FNDC1: variants seen among roughly 807,000 people sequenced by gnomAD.
FNDC1 encodes the protein fibronectin type III domain containing 1, also known as fibronectin type III domain-containing protein 1.
A neutral mutation model predicts 168.0 loss-of-function variants in FNDC1; 96 were observed. The ratio of observed to expected loss-of-function variants is 0.57; its 90% CI spans 0.48 to 0.68. FNDC1 has a LOEUF of 0.68. Among genes scored for constraint, FNDC1 ranks in the 30% least tolerant of loss-of-function variants. FNDC1 has a pLI of 0.00. For synonymous variants in FNDC1, 1,099 were observed against 1,025.9 expected, an observed-to-expected ratio of 1.07 and a Z score of -1.36; for missense variants, 2,587 against 2,482.1, an observed-to-expected ratio of 1.04 and a Z score of -0.90.
intron 1 of FNDC1, among the ~76,000 whole-genome samples, chr6:159,186,591 A>G (rs920550596): frequency 3.9e-5 from 6 of 152,260 alleles, no homozygotes; most frequent in African/African-American, 1.4e-4. Flanking sequence ...GCAAGCTGAC[A>G]TGCAGCTCCC....
At chr6:159,251,616 T>A in intron 17 of FNDC1, 84 bp downstream of exon 17, 2 of 1,188,658 alleles carry the variant, frequency 1.7e-6, no homozygotes, top group Non-Finnish European at 2.4e-6. Context: ...AGTGGATGGG[T>A]GCATGCATGG....
intron 1 of FNDC1, among the ~76,000 whole-genome samples, chr6:159,188,108 G>A (rs540939344): frequency 1.3e-5 from 2 of 152,328 alleles, no homozygotes; most frequent in African/African-American, 4.8e-5. Context: ...AAACAAAGAT[G>A]AAGTAGGGAG....
rs1783325703 is a variant in FNDC1 at position 159,238,657 on chromosome 6, C to A, written c.4172C>A (p.Thr1391Asn). Reference sequence around the variant, plus strand: ...ATTAAACTAGGAGGAGATGGTCGAACCATTGTAGGTAAGGGAGAATGGTTT... The same window carrying A: ...ATTAAACTAGGAGGAGATGGTCGAAACATTGTAGGTAAGGGAGAATGGTTT... The part of the protein sequence containing the change: ...LRIKLGGDGR[T>N]IVDLEGTPVV... The change falls in exon 13 of 23, where the codon ACC becomes AAC. Residue 1391 changes from threonine to asparagine, a missense_variant. Coordinates refer to ENST00000297267, the MANE Select transcript of FNDC1 (RefSeq NM_032532.3). 1 of 1,596,130 alleles carries A rather than the reference C, an allele frequency of 6.3e-7. No individual in the cohort carries two copies. Among genetic ancestry groups the A allele is most frequent in the African/African-American group, 1.3e-5 (1 of 74,606 alleles).
At chr6:159,269,670 G>A (rs111297676) in intron 22 of FNDC1, among the ~76,000 whole-genome samples, 1,838 of 150,990 alleles carry the variant, frequency 0.012, 38 homozygotes, top group African/African-American at 0.043. Context: ...TTAAAGAACC[G>A]TCTCACACAA....
chr6:159,210,007 G>C (rs550094034), intron 4 of FNDC1, among the ~76,000 whole-genome samples: 38 of 152,298 alleles, frequency 2.5e-4, no homozygotes, highest in Admixed American at 1.6e-3. Flanking sequence ...ACATTTAAGA[G>C]GAATAGTGCA....
In FNDC1 at chr6:159,219,677, T is replaced by A. The variant is rs404461; in HGVS notation, c.668-1921T>A. The stretch of plus-strand genomic sequence containing the variant: ...GCAGAATAAAACTTTTTCTTAATGA[T>A]AAACTTGGGCCGAGTTTAGTTTCAA... On this transcript the variant is annotated intron_variant, in intron 5 of 22. Transcript: ENST00000297267. 5.3e-5 allele frequency among the ~76,000 whole-genome samples: 8 copies of A among 152,158 alleles called. No individual in the cohort carries two copies. In the South Asian group the frequency reaches 1.7e-3, roughly 32 times the overall value.
At chr6:159,217,918 T>C (rs1782739166) in intron 5 of FNDC1, among the ~76,000 whole-genome samples, 1 of 152,170 alleles carries the variant, frequency 6.6e-6, no homozygotes, top group Non-Finnish European at 1.5e-5. Context: ...CTCAACCCCC[T>C]GAAGCCACAG....
rs144883104 is a variant in FNDC1 at position 159,188,566 on chromosome 6, G to C, written c.110-8865G>C. Among the ~76,000 whole-genome samples the C allele has an allele frequency of 2.9e-3, 429 of 150,318 alleles. 3 individuals are homozygous for C. The highest frequency in any genetic ancestry group is 9.8e-3 in the African/African-American group (403 of 41,036). On this transcript the variant is annotated intron_variant, in intron 1 of 22. Coordinates refer to ENST00000297267, the MANE Select transcript of FNDC1 (RefSeq NM_032532.3). ...ATTTTTTTTTTGAATTTTTAGTAGAGACGGGGTTTCACCGTGTTAGCCAGG... is the reference window on the plus strand; with the variant it reads ...ATTTTTTTTTTGAATTTTTAGTAGACACGGGGTTTCACCGTGTTAGCCAGG...
At chr6:159,226,430 C>T (rs148221552) in intron 8 of FNDC1, 43 bp from the exon 9 acceptor site, 104 of 1,473,080 alleles carry the variant, frequency 7.1e-5, no homozygotes, top group Middle Eastern at 1.9e-4. Flanking sequence ...CTAGAATGTC[C>T]GGTAAGGCAT....
At chr6:159,216,062 G>A (rs1782703581) in intron 5 of FNDC1, among the ~76,000 whole-genome samples, 1 of 152,068 alleles carries the variant, frequency 6.6e-6, no homozygotes, top group Admixed American at 6.5e-5. Context: ...CCCGGGTTCA[G>A]GCGATTCTCC....
rs1469194896 is a variant in FNDC1 at position 159,169,935 on chromosome 6, G to T, written c.109+230G>T. 9.2e-6 allele frequency: 2 copies of T among 217,506 alleles called. No homozygotes were observed. Among genetic ancestry groups the T allele is most frequent in the African/African-American group, 2.3e-5 (1 of 43,166 alleles). 13.5% of individuals were successfully genotyped at this position (217,506 alleles called of 1,614,324 possible). On this transcript the variant is annotated intron_variant, in intron 1 of 22. Transcript: ENST00000297267. The surrounding 1 kb of genome is among the most constrained non-coding windows in gnomAD (Gnocchi z 6.8). ...GTTTAACTTTGCCGTCGCCCGCCTT[G>T]GAGTCGGGAGGCTCCAGCCGTCTAA... is the stretch of plus-strand genomic sequence containing the variant.
intron 22 of FNDC1, 25 bp downstream of exon 22, chr6:159,267,951 A>G (rs1777623854): frequency 6.3e-7 from 1 of 1,597,096 alleles, no homozygotes; most frequent in Non-Finnish European, 8.5e-7. Context: ...TGCCTGATAT[A>G]TTATCCTAGG....
chr6:159,177,543 G>C (rs1057341180), intron 1 of FNDC1, among the ~76,000 whole-genome samples: 6 of 152,188 alleles, frequency 3.9e-5, no homozygotes, highest in Admixed American at 2.0e-4. Flanking sequence ...GCAGGACCTG[G>C]GGCAGGTGGG....
At position 159,272,066 on chromosome 6, in the gene FNDC1, A is replaced by G. The variant is rs2115041984; in HGVS notation, c.*624A>G. ...ATATACATATCCACACTTGTCTGCA[A>G]GAATATTGATTAAAATTGCTAAATT... On this transcript the variant is annotated 3_prime_UTR_variant, in exon 23 of 23. Coordinates refer to ENST00000297267, the MANE Select transcript of FNDC1 (RefSeq NM_032532.3). The G allele has an allele frequency of 1.3e-5, 2 of 152,376 alleles. No individual in the cohort carries two copies. The highest frequency in any genetic ancestry group is 6.8e-3 in the Middle Eastern group (2 of 294). The allele number at this position is 152,376 out of a possible 1,614,324, so 9.4% of individuals were successfully genotyped here. A position where few individuals can be genotyped will look rare whatever the true frequency, so the allele number is the denominator to read the frequency against.
At chr6:159,171,098 C>T (rs1027457970) in intron 1 of FNDC1, among the ~76,000 whole-genome samples, 3 of 151,944 alleles carry the variant, frequency 2.0e-5, no homozygotes, top group Non-Finnish European at 2.9e-5. Context: ...TGAGTGGGTC[C>T]GAGCGGGGTT....
At chr6:159,241,272 G>C (rs550042397) in intron 14 of FNDC1, 1 of 152,134 alleles carries the variant, frequency 6.6e-6, no homozygotes, top group Admixed American at 6.5e-5. Flanking sequence ...ATTAGTAATT[G>C]GTCGTAAACA....
At chr6:159,208,848 T>A (rs967404106) in intron 4 of FNDC1, among the ~76,000 whole-genome samples, 3 of 141,014 alleles carry the variant, frequency 2.1e-5, no homozygotes, top group Non-Finnish European at 4.5e-5. Flanking sequence ...TTTTTAATTT[T>A]TTTTTTTTTT....
At chr6:159,248,888 G>A (rs1777193511) in intron 15 of FNDC1, 151 bp from the exon 16 acceptor site, 5 of 619,942 alleles carry the variant, frequency 8.1e-6, no homozygotes, top group Non-Finnish European at 1.3e-5. Context: ...TTACGTTTGG[G>A]CATAGCATTT....
At chr6:159,187,293 G>C (rs553307951) in intron 1 of FNDC1, among the ~76,000 whole-genome samples, 1 of 152,304 alleles carries the variant, frequency 6.6e-6, no homozygotes, top group South Asian at 2.1e-4. Context: ...TTCCATTGCT[G>C]TCCTCCATCT....
Sources: allele counts gnomAD v4.1 joint callset (sites outside exome capture counted in the v4.1 genomes callset), GRCh38; gene constraint gnomAD v4.1.1; non-coding constraint Gnocchi (gnomAD v3.1); transcripts MANE v1.5; gene names NCBI Gene and HGNC (gene_info 2026-07-23, HGNC 2026-07-21).